The following ELAVL4 variants were observed in gnomAD, a reference collection of about 807,000 sequenced individuals.
The protein encoded by ELAVL4 is ELAV like RNA binding protein 4.
In ELAVL4, 1 loss-of-function variant was observed where a neutral mutation model predicts 35.6. The ratio of observed to expected loss-of-function variants is 0.03; its 90% CI spans 0.01 to 0.13. The LOEUF (loss-of-function observed/expected upper bound fraction) is 0.13, where lower values mean the gene tolerates loss of function less well. Among genes scored for constraint, ELAVL4 ranks in the 10% least tolerant of loss-of-function variants. The pLI is 1.00. For missense variants in ELAVL4, 267 were observed against 464.9 expected, an observed-to-expected ratio of 0.57 and a Z score of 3.91; for synonymous variants, 156 against 171.0, an observed-to-expected ratio of 0.91 and a Z score of 0.69.
chr1:50,051,043 T>C (rs1663346573), intron 1 of ELAVL4, among the ~76,000 whole-genome samples: 1 of 152,164 alleles, frequency 6.6e-6, no homozygotes, highest in South Asian at 2.1e-4. Flanking sequence ...TTAAAAGTTT[T>C]TGAGGTAGAA....
At chr1:50,050,811 A>G (rs1663321019) in intron 1 of ELAVL4, among the ~76,000 whole-genome samples, 1 of 152,184 alleles carries the variant, frequency 6.6e-6, no homozygotes, top group Admixed American at 6.6e-5. Flanking sequence ...TTGCTGAAAA[A>G]TCATAGTGAT....
rs564040883 is a variant in ELAVL4 at position 50,201,629 on chromosome 1, A to G, written c.*451A>G. 1.3e-5 allele frequency: 2 copies of G among 152,146 alleles called. No homozygotes were observed. Among genetic ancestry groups the G allele is most frequent in the Non-Finnish European group, 2.9e-5 (2 of 68,004 alleles). 9.4% of individuals were successfully genotyped at this position (152,146 alleles called of 1,614,324 possible). A position where few individuals can be genotyped will look rare whatever the true frequency, so the allele number is the denominator to read the frequency against. ...TTTTACAAAGTAATGGGATTCAAAG[A>G]AAGGAAAAAAAGATTTTTCTTTTTT... On this transcript the variant is annotated 3_prime_UTR_variant, in exon 7 of 7. Coordinates refer to ENST00000371824, the MANE Select transcript of ELAVL4 (RefSeq NM_001144774.3). This position sits in a 1 kb window ranked among gnomAD's most constrained non-coding sequence, Gnocchi z 4.3.
chr1:50,190,981 C>G lies in ELAVL4; in HGVS notation c.355-2784C>G, dbSNP rs191911614. 8.5e-5 allele frequency among the ~76,000 whole-genome samples: 13 copies of G among 152,342 alleles called. No individual in the cohort carries two copies. The East Asian group carries it at 2.5e-3, about 29-fold the overall frequency. On this transcript the variant is annotated intron_variant, in intron 3 of 6. Coordinates refer to ENST00000371824, the MANE Select transcript of ELAVL4 (RefSeq NM_001144774.3). ...GCTCAGCTGTGTCTCCTTCCCGGCC[C>G]TTTTAACCTTTGATTAATCTCTCCC...
At chr1:50,118,079 T>C (rs1180079763) in intron 1 of ELAVL4, among the ~76,000 whole-genome samples, 3 of 152,108 alleles carry the variant, frequency 2.0e-5, no homozygotes, top group African/African-American at 7.2e-5. Context: ...GTTAGGAAAG[T>C]TAAAAGTCAG....
At chr1:50,066,645 T>G (rs1000040766) in intron 1 of ELAVL4, among the ~76,000 whole-genome samples, 8 of 152,284 alleles carry the variant, frequency 5.3e-5, no homozygotes, top group African/African-American at 1.9e-4. Flanking sequence ...ACTATGAAGA[T>G]AAAAAATACA....
At chr1:50,074,368 C>T (rs1462248966) in intron 1 of ELAVL4, among the ~76,000 whole-genome samples, 8 of 152,130 alleles carry the variant, frequency 5.3e-5, no homozygotes, top group Non-Finnish European at 7.4e-5. Context: ...ACAGGAAGAT[C>T]GGGTACAAAA....
At chr1:50,120,599 T>C (rs1286768441) in intron 1 of ELAVL4, among the ~76,000 whole-genome samples, 1 of 152,056 alleles carries the variant, frequency 6.6e-6, no homozygotes, top group African/African-American at 2.4e-5. Context: ...TAAGCCATTA[T>C]TTCTCAGAAG....
intron 1 of ELAVL4, among the ~76,000 whole-genome samples, chr1:50,066,489 A>G (rs1664271500): frequency 6.6e-6 from 1 of 152,066 alleles, no homozygotes; most frequent in Non-Finnish European, 1.5e-5. Flanking sequence ...AATCCCCCAG[A>G]GCTTTGTTTT....
intron 3 of ELAVL4, among the ~76,000 whole-genome samples, chr1:50,193,258 A>T (rs145200552): frequency 6.6e-6 from 1 of 152,200 alleles, no homozygotes; most frequent in Non-Finnish European, 1.5e-5. Context: ...AGGATGGAAC[A>T]TAAAAAAATC....
chr1:50,157,525 A>G (rs954768432), intron 2 of ELAVL4, among the ~76,000 whole-genome samples: 1 of 152,236 alleles, frequency 6.6e-6, no homozygotes, highest in African/African-American at 2.4e-5. Context: ...TCTCTCAGAC[A>G]TCAGTGTCTA....
intron 2 of ELAVL4, among the ~76,000 whole-genome samples, chr1:50,170,187 G>A (rs1221084799): frequency 6.6e-6 from 1 of 152,160 alleles, no homozygotes; most frequent in African/African-American, 2.4e-5. Flanking sequence ...GAAGGAAAAG[G>A]AACCAACATC....
At chr1:50,077,798 A>G (rs1458295873) in intron 1 of ELAVL4, among the ~76,000 whole-genome samples, 1 of 152,126 alleles carries the variant, frequency 6.6e-6, no homozygotes, top group Non-Finnish European at 1.5e-5. Flanking sequence ...CCCATATCCC[A>G]ATTATTATTT....
chr1:50,184,119 C>T (rs1365861931), intron 3 of ELAVL4, among the ~76,000 whole-genome samples: 1 of 152,166 alleles, frequency 6.6e-6, no homozygotes, highest in East Asian at 1.9e-4. Context: ...GCTCTGCTTC[C>T]CAGTGCCCTG....
chr1:50,067,394 A>G (rs74509940), intron 1 of ELAVL4, among the ~76,000 whole-genome samples: 6,922 of 152,306 alleles, frequency 0.045, 482 homozygotes, highest in African/African-American at 0.15. Context: ...GGCATTAACC[A>G]GGAAACACTC....
intron 1 of ELAVL4, among the ~76,000 whole-genome samples, chr1:50,086,289 G>T (rs1001628032): frequency 1.3e-5 from 2 of 151,772 alleles, no homozygotes; most frequent in African/African-American, 4.8e-5. Context: ...TGCTTAGAAG[G>T]TCCTTTCTAC....
intron 1 of ELAVL4, among the ~76,000 whole-genome samples, chr1:50,059,042 G>C (rs1047274549): frequency 6.6e-6 from 1 of 151,816 alleles, no homozygotes; most frequent in African/African-American, 2.4e-5. Context: ...CTTCCTTACT[G>C]CCTGCATTAA....
intron 3 of ELAVL4, among the ~76,000 whole-genome samples, chr1:50,192,666 A>C (rs887900975): frequency 1.3e-5 from 2 of 152,084 alleles, no homozygotes; most frequent in African/African-American, 2.4e-5. Flanking sequence ...TTCCTGTCCA[A>C]CGTTGTCAGA....
At chr1:50,102,296 TAATAAAATAA>T (rs150940225), upstream of ELAVL4, among the ~76,000 whole-genome samples, 7,646 of 139,048 alleles carry the variant, frequency 0.055, 251 homozygotes, top group Middle Eastern at 0.066. Context: ...AAAAATAAAA[TAATAAAATAA>T]AATAAAATAA....
chr1:50,056,849 G>T (rs12037854), intron 1 of ELAVL4, among the ~76,000 whole-genome samples: 1 of 151,556 alleles, frequency 6.6e-6, no homozygotes, highest in African/African-American at 2.4e-5. Flanking sequence ...GGAGAATGGC[G>T]TGAACCCGGG....
Sources: allele counts gnomAD v4.1 joint callset (sites outside exome capture counted in the v4.1 genomes callset), GRCh38; gene constraint gnomAD v4.1.1; non-coding constraint Gnocchi (gnomAD v3.1); transcripts MANE v1.5; gene names NCBI Gene and HGNC (gene_info 2026-07-23, HGNC 2026-07-21).